Variants in LHFPL3 observed in about 807,000 individuals in gnomAD.
LHFPL3 encodes LHFPL tetraspan subfamily member 3.
LHFPL3 carries 5 observed loss-of-function variants against 19.3 expected under a neutral mutation model. That is an observed-to-expected ratio of 0.26 (90% CI 0.14 to 0.54). The LOEUF (loss-of-function observed/expected upper bound fraction) is 0.54. Ranked by LOEUF, LHFPL3 falls within the 20% of genes least tolerant of loss-of-function variation. The pLI is 0.94. For synonymous variants in LHFPL3, 133 were observed against 126.2 expected, an observed-to-expected ratio of 1.05 and a Z score of -0.36; for missense variants, 249 against 307.4, an observed-to-expected ratio of 0.81 and a Z score of 1.42.
chr7:104,425,903 A>G (rs118150576), intron 1 of LHFPL3, among the ~76,000 whole-genome samples: 3,513 of 152,298 alleles, frequency 0.023, 63 homozygotes, highest in Non-Finnish European at 0.035. Context: ...ATCCTTTCCC[A>G]AGTCTCCCCT....
chr7:104,497,653 G>A lies in LHFPL3; in HGVS notation c.445+168429G>A, dbSNP rs1221282371. ...AAAAAAAAAAAAAAGGAGGAAAGGA[G>A]AGCACAAACATAAATTAAATATTAA... On this transcript the variant is annotated intron_variant, in intron 1 of 2. Coordinates refer to ENST00000424859, the MANE Select transcript of LHFPL3 (RefSeq NM_199000.3). 2.0e-5 allele frequency among the ~76,000 whole-genome samples: 3 copies of A among 151,354 alleles called. No homozygotes were observed. In the East Asian group the frequency reaches 5.8e-4, roughly 29 times the overall value.
intron 1 of LHFPL3, among the ~76,000 whole-genome samples, chr7:104,338,649 A>G (rs942737822): frequency 9.9e-5 from 15 of 152,162 alleles, no homozygotes; most frequent in Admixed American, 8.5e-4. Context: ...TACTTAACCT[A>G]AGCAATTTGA....
intron 1 of LHFPL3, among the ~76,000 whole-genome samples, chr7:104,553,355 C>T (rs188151455): frequency 1.3e-5 from 2 of 152,300 alleles, no homozygotes; most frequent in East Asian, 1.9e-4. Context: ...TTCTCTGCTG[C>T]TTTACCACCT....
At chr7:104,495,576 G>C (rs922119341) in intron 1 of LHFPL3, among the ~76,000 whole-genome samples, 3 of 152,072 alleles carry the variant, frequency 2.0e-5, no homozygotes, top group Non-Finnish European at 2.9e-5. Context: ...GTAGAGATGG[G>C]GTTTCACCAT....
At chr7:104,869,028 GA>G (rs1192319780) in intron 2 of LHFPL3, among the ~76,000 whole-genome samples, 1 of 152,160 alleles carries the variant, frequency 6.6e-6, no homozygotes, top group Non-Finnish European at 1.5e-5. Flanking sequence ...GCCATATGTA[GA>G]AAGCTGAAAC....
chr7:104,821,869 T>C (rs926952949), intron 2 of LHFPL3, among the ~76,000 whole-genome samples: 1 of 152,108 alleles, frequency 6.6e-6, no homozygotes, highest in African/African-American at 2.4e-5. Context: ...AAACATAGAT[T>C]AAGTAGTGTA....
intron 1 of LHFPL3, among the ~76,000 whole-genome samples, chr7:104,463,293 C>T (rs578167520): frequency 4.6e-5 from 7 of 152,198 alleles, no homozygotes; most frequent in African/African-American, 1.4e-4. Context: ...AGTTGGTTTG[C>T]TTTTGCTTCT....
intron 1 of LHFPL3, among the ~76,000 whole-genome samples, chr7:104,716,420 G>GA (rs1562971727): frequency 6.6e-6 from 1 of 151,624 alleles, no homozygotes; most frequent in Non-Finnish European, 1.5e-5. Flanking sequence ...GTTATATAGG[G>GA]AAAACCTTAA....
intron 2 of LHFPL3, among the ~76,000 whole-genome samples, chr7:104,755,355 T>A (rs549037655): frequency 6.6e-6 from 1 of 152,074 alleles, no homozygotes; most frequent in Non-Finnish European, 1.5e-5. Context: ...ACAAAGGACA[T>A]GGGTACTGGG....
At chr7:104,804,967 T>C (rs1790327043) in intron 2 of LHFPL3, among the ~76,000 whole-genome samples, 1 of 152,178 alleles carries the variant, frequency 6.6e-6, no homozygotes, top group Admixed American at 6.5e-5. Context: ...CACTTCCTTT[T>C]CTGCTCCCAC....
chr7:104,603,170 TCTTTCTTTCTTTCTTC>T (rs1432999760), intron 1 of LHFPL3, among the ~76,000 whole-genome samples: 4 of 145,910 alleles, frequency 2.7e-5, no homozygotes, highest in Non-Finnish European at 6.0e-5. Flanking sequence ...TTCCTTTCTT[TCTTTCTTTCTTTCTTC>T]CTTTCTTTCT....
intron 1 of LHFPL3, among the ~76,000 whole-genome samples, chr7:104,397,323 T>C (rs1360555223): frequency 1.3e-5 from 2 of 152,160 alleles, no homozygotes; most frequent in African/African-American, 4.8e-5. Flanking sequence ...ATTTGTTTGG[T>C]TTCAGCACTT....
chr7:104,335,631 A>G (rs1789790314), intron 1 of LHFPL3, among the ~76,000 whole-genome samples: 1 of 152,196 alleles, frequency 6.6e-6, no homozygotes, highest in Non-Finnish European at 1.5e-5. Context: ...ACAATCAACA[A>G]GTTTCCCACT....
intron 1 of LHFPL3, among the ~76,000 whole-genome samples, chr7:104,447,211 A>T (rs1169637839): frequency 1.3e-5 from 2 of 152,160 alleles, no homozygotes; most frequent in East Asian, 3.9e-4. Flanking sequence ...CTGCATGCAG[A>T]GTGTGGGGAC....
intron 1 of LHFPL3, among the ~76,000 whole-genome samples, chr7:104,573,912 T>C (rs1790277086): frequency 6.6e-6 from 1 of 152,204 alleles, no homozygotes; most frequent in Admixed American, 6.5e-5. Flanking sequence ...TCCACTTTAA[T>C]TTTGGTGTCA....
At chr7:104,886,849 G>T (rs1792158511) in intron 2 of LHFPL3, among the ~76,000 whole-genome samples, 1 of 152,170 alleles carries the variant, frequency 6.6e-6, no homozygotes, top group Admixed American at 6.5e-5. Context: ...TCTCCCATGG[G>T]CTAAGCTGCT....
chr7:104,789,346 G>T (rs1377807393), intron 2 of LHFPL3, among the ~76,000 whole-genome samples: 1 of 152,144 alleles, frequency 6.6e-6, no homozygotes, highest in Non-Finnish European at 1.5e-5. Context: ...TGGGGACAGA[G>T]TTCAGGAAAT....
chr7:104,518,428 A>C (rs1793964267), intron 1 of LHFPL3, among the ~76,000 whole-genome samples: 2 of 152,274 alleles, frequency 1.3e-5, no homozygotes, highest in Non-Finnish European at 2.9e-5. Flanking sequence ...GAATGGTATA[A>C]AATCTTTGAC....
chr7:104,413,027 C>T (rs865959059), intron 1 of LHFPL3, among the ~76,000 whole-genome samples: 1 of 152,186 alleles, frequency 6.6e-6, no homozygotes, highest in African/African-American at 2.4e-5. Flanking sequence ...GATTACAAAC[C>T]TGCTCCTTAT....
Sources: allele counts gnomAD v4.1 joint callset (sites outside exome capture counted in the v4.1 genomes callset), GRCh38; gene constraint gnomAD v4.1.1; transcripts MANE v1.5; gene names NCBI Gene and HGNC (gene_info 2026-07-23, HGNC 2026-07-21).